Variants in FMN1 observed in about 807,000 individuals in gnomAD.
FMN1 encodes the protein formin-1.
FMN1 carries 110 observed loss-of-function variants against 132.4 expected under a neutral mutation model. That is an observed-to-expected ratio of 0.83 (90% confidence interval 0.71 to 0.97). FMN1 has a LOEUF of 0.97. Among genes scored for constraint, FMN1 ranks in the 50% least tolerant of loss-of-function variants. The pLI is 0.00. For synonymous variants in FMN1, 722 were observed against 651.7 expected (o/e 1.11, Z -1.64); for missense variants, 1,792 against 1,705.3 (o/e 1.05, Z -0.90).
chr15:33,103,442 A>G (rs570970275), intron 4 of FMN1, among the ~76,000 whole-genome samples: 4 of 152,248 alleles, frequency 2.6e-5, no homozygotes, highest in African/African-American at 9.6e-5. Flanking sequence ...TAGTACATAA[A>G]CACTGGCTGT....
intron 15 of FMN1, among the ~76,000 whole-genome samples, chr15:32,897,065 T>C (rs543788581): frequency 1.4e-4 from 21 of 152,308 alleles, no homozygotes; most frequent in African/African-American, 3.8e-4. Flanking sequence ...TACATCCTTG[T>C]CAACACTTGC....
chr15:32,842,620 G>A (rs1364554951), intron 17 of FMN1, among the ~76,000 whole-genome samples: 1 of 152,120 alleles, frequency 6.6e-6, no homozygotes, highest in African/African-American at 2.4e-5. Context: ...CTAGAACACA[G>A]AAAGCCCTAA....
At chr15:33,094,905 A>G (rs2039025089) in intron 4 of FMN1, among the ~76,000 whole-genome samples, 1 of 152,214 alleles carries the variant, frequency 6.6e-6, no homozygotes, top group South Asian at 2.1e-4. Context: ...CCTGATGCAG[A>G]AAAGATCAAG....
At chr15:33,025,798 ATCT>A (rs2035637177) in intron 6 of FMN1, among the ~76,000 whole-genome samples, 1 of 152,160 alleles carries the variant, frequency 6.6e-6, no homozygotes, top group South Asian at 2.1e-4. Flanking sequence ...AAAGAAAAAA[ATCT>A]TCTTAGCTAA....
intron 6 of FMN1, among the ~76,000 whole-genome samples, chr15:33,053,138 G>A (rs2037056237): frequency 6.6e-6 from 1 of 152,180 alleles, no homozygotes. Flanking sequence ...ACTGAGTGCA[G>A]GTACTCTGAA....
chr15:33,069,393 G>A (rs1485844976), intron 5 of FMN1, among the ~76,000 whole-genome samples: 2 of 152,198 alleles, frequency 1.3e-5, no homozygotes, highest in East Asian at 3.9e-4. Context: ...GGTTGGAGAG[G>A]CAAGTCAAAC....
intron 6 of FMN1, among the ~76,000 whole-genome samples, chr15:33,033,644 T>G (rs2036049784): frequency 1.4e-5 from 2 of 145,146 alleles, no homozygotes; most frequent in African/African-American, 5.1e-5. Context: ...CATTTGATCG[T>G]ATTTGTCCCA....
intron 15 of FMN1, among the ~76,000 whole-genome samples, chr15:32,895,303 G>A (rs1175633652): frequency 6.9e-6 from 1 of 143,910 alleles, no homozygotes; most frequent in Non-Finnish European, 1.5e-5. Context: ...TGTCTGACAT[G>A]AAGAAAAAAG....
chr15:33,155,615 A>T (rs1315034975), intron 3 of FMN1, among the ~76,000 whole-genome samples: 4 of 152,228 alleles, frequency 2.6e-5, no homozygotes, highest in Non-Finnish European at 4.4e-5. Context: ...TCAATGTAAA[A>T]GTTTAAAATT....
chr15:32,779,432 C>T (rs74011960), intron 19 of FMN1, among the ~76,000 whole-genome samples: 1,829 of 152,206 alleles, frequency 0.012, 35 homozygotes, highest in African/African-American at 0.041. Context: ...TGTGAGGATG[C>T]AGGGGAATGG....
intron 17 of FMN1, among the ~76,000 whole-genome samples, chr15:32,812,102 G>A (rs2057903615): frequency 6.6e-6 from 1 of 152,098 alleles, no homozygotes; most frequent in Admixed American, 6.5e-5. Context: ...TCTCAACCAG[G>A]GTCCTTCATC....
intron 7 of FMN1, among the ~76,000 whole-genome samples, chr15:32,986,859 G>A (rs1277200679): frequency 6.6e-6 from 1 of 152,072 alleles, no homozygotes; most frequent in East Asian, 1.9e-4. Flanking sequence ...CTTTTTGAAA[G>A]AATAATTGTT....
intron 17 of FMN1, among the ~76,000 whole-genome samples, chr15:32,814,503 G>A (rs929184495): frequency 6.6e-6 from 1 of 152,186 alleles, no homozygotes; most frequent in African/African-American, 2.4e-5. Context: ...TCATCATTCA[G>A]ACAGCAGACA....
intron 7 of FMN1, among the ~76,000 whole-genome samples, chr15:33,004,227 A>G (rs2034281276): frequency 6.6e-6 from 1 of 152,218 alleles, no homozygotes; most frequent in Admixed American, 6.5e-5. Context: ...TCTGCAAAGC[A>G]AAAGAAACCA....
At chr15:32,965,876 C>G (rs1435708533) in intron 8 of FMN1, among the ~76,000 whole-genome samples, 2 of 152,130 alleles carry the variant, frequency 1.3e-5, no homozygotes, top group African/African-American at 4.8e-5. Flanking sequence ...TGAAGTACAT[C>G]CATGTATGTG....
intron 11 of FMN1, 96 bp downstream of exon 11, chr15:32,910,378 C>T (rs1163168964): frequency 9.7e-7 from 1 of 1,034,836 alleles, no homozygotes; most frequent in Admixed American, 2.0e-5. Flanking sequence ...CAGGCCACGT[C>T]AAAACCCTTA....
At chr15:32,908,204 G>T in intron 12 of FMN1, 1 of 281,906 alleles carries the variant, frequency 3.5e-6, no homozygotes, top group East Asian at 6.4e-5. Context: ...TACCCTTTTG[G>T]TCAAATTGTT....
At chr15:32,972,975 T>C (rs1164238547) in intron 7 of FMN1, among the ~76,000 whole-genome samples, 4 of 152,182 alleles carry the variant, frequency 2.6e-5, no homozygotes, top group African/African-American at 9.7e-5. Flanking sequence ...GCTGAATTTC[T>C]TGCTCTCTCT....
In FMN1 at chr15:33,037,637, G is replaced by C. The variant is rs345886; in HGVS notation, c.2161+27320C>G. 8.8e-4 allele frequency among the ~76,000 whole-genome samples: 134 copies of C among 152,102 alleles called. 1 individual carries two copies. The highest frequency in any genetic ancestry group is 3.1e-3 in the African/African-American group (129 of 41,492). On this transcript the variant is annotated intron_variant, in intron 6 of 20. Coordinates refer to ENST00000616417, the MANE Select transcript of FMN1 (RefSeq NM_001277313.2). Reference sequence around the variant, plus strand: ...AACAGCATTGACACTTTTGTAGAAAGGAGCCAGCCACTTTCACTTGCTTTG... The same window carrying C: ...AACAGCATTGACACTTTTGTAGAAACGAGCCAGCCACTTTCACTTGCTTTG...
Sources: gnomAD v4.1 joint callset for allele counts (sites outside exome capture counted in the v4.1 genomes callset) on GRCh38, gnomAD v4.1.1 for gene constraint, MANE v1.5 for transcripts, NCBI Gene and HGNC (gene_info 2026-07-23, HGNC 2026-07-21) for gene names.